The following PLXDC2 variants were observed in gnomAD, a reference collection of about 807,000 sequenced individuals.
PLXDC2 encodes plexin domain containing 2, also known as plexin domain-containing protein 2.
In PLXDC2, 40 loss-of-function variants were observed where a neutral mutation model predicts 68.9. The ratio of observed to expected loss-of-function variants is 0.58; its 90% CI spans 0.45 to 0.76. The LOEUF is 0.76. PLXDC2 is among the 30% of genes least tolerant of loss of function. The probability of loss-of-function intolerance (pLI) is 0.00; values close to 1 mark genes in which losing one functional copy is unlikely to be tolerated. For synonymous variants in PLXDC2, 243 were observed against 234.2 expected (o/e 1.04, Z -0.34); for missense variants, 644 against 661.9 (o/e 0.97, Z 0.30).
intron 2 of PLXDC2, among the ~76,000 whole-genome samples, chr10:20,031,995 A>G (rs1344002125): frequency 1.3e-5 from 2 of 151,706 alleles, no homozygotes; most frequent in Non-Finnish European, 2.9e-5. Context: ...AATTTTTTGT[A>G]TTTTTTGTAG....
At chr10:20,038,229 C>T (rs943248014) in intron 2 of PLXDC2, among the ~76,000 whole-genome samples, 4 of 150,878 alleles carry the variant, frequency 2.7e-5, no homozygotes, top group African/African-American at 9.8e-5. Flanking sequence ...GAGCAAGACT[C>T]TGTCTCAAAA....
chr10:19,862,039 A>G (rs768811748), intron 1 of PLXDC2, among the ~76,000 whole-genome samples: 2 of 152,236 alleles, frequency 1.3e-5, no homozygotes, highest in South Asian at 2.1e-4. Flanking sequence ...AAGATAAACA[A>G]TTCTTCACAT....
At chr10:20,133,538 C>G (rs1833896745) in intron 4 of PLXDC2, among the ~76,000 whole-genome samples, 1 of 152,060 alleles carries the variant, frequency 6.6e-6, no homozygotes, top group South Asian at 2.1e-4. Flanking sequence ...TCTCTTTTGC[C>G]CTATAAGGTT....
At chr10:19,947,155 G>GACA (rs1314924785) in intron 1 of PLXDC2, among the ~76,000 whole-genome samples, 1 of 152,138 alleles carries the variant, frequency 6.6e-6, no homozygotes, top group Non-Finnish European at 1.5e-5. Context: ...AAAAAGCAAA[G>GACA]ACAGCAACAA....
chr10:19,867,901 T>G (rs1443784980), intron 1 of PLXDC2, among the ~76,000 whole-genome samples: 1 of 152,188 alleles, frequency 6.6e-6, no homozygotes, highest in Admixed American at 6.5e-5. Context: ...GGTTATTTGT[T>G]GTCAACATTA....
At chr10:20,258,822 A>G (rs1350965785) in intron 13 of PLXDC2, among the ~76,000 whole-genome samples, 1 of 152,064 alleles carries the variant, frequency 6.6e-6, no homozygotes, top group Admixed American at 6.5e-5. Context: ...CCTGGCTAAC[A>G]CGGTGAAACC....
In PLXDC2 at chr10:20,245,455, G is replaced by A. The variant is rs1564365478; in HGVS notation, c.1423G>A (p.Val475Ile). The change falls in exon 13 of 14, where the codon GTC becomes ATC. Residue 475 changes from valine to isoleucine, a missense_variant. Physicochemically the swap from Val to Ile is conservative, Grantham distance 29. Around this residue, in one of 3 missense-constraint regions of PLXDC2, gnomAD observed 330 missense variants for 327.9 expected, o/e 1.01. Transcript: ENST00000377252. ...TGTAGCCACAGCCATTCTTGTGACA[G>A]TCTATATGTATCACCACCCAACATC... Reference protein sequence around the residue: ...LIVATAILVTVYMYHHPTSAA... With the variant: ...LIVATAILVTIYMYHHPTSAA... 1 of 1,613,394 alleles carries A rather than the reference G, an allele frequency of 6.2e-7. No homozygotes were observed. The highest frequency in any genetic ancestry group is 8.5e-7 in the Non-Finnish European group (1 of 1,179,932).
intron 1 of PLXDC2, among the ~76,000 whole-genome samples, chr10:19,899,589 A>G (rs1838124355): frequency 1.3e-5 from 2 of 152,316 alleles, no homozygotes; most frequent in African/African-American, 2.4e-5. Flanking sequence ...TATAAAAAGG[A>G]TCAATAGTTT....
chr10:19,849,327 TACAC>T (rs3043808), intron 1 of PLXDC2, among the ~76,000 whole-genome samples: 2 of 151,728 alleles, frequency 1.3e-5, no homozygotes, highest in African/African-American at 4.8e-5. Context: ...CTCTCACACA[TACAC>T]ACACAAGTCA....
chr10:19,976,143 T>A (rs957813584), intron 1 of PLXDC2, among the ~76,000 whole-genome samples: 25 of 152,334 alleles, frequency 1.6e-4, no homozygotes, highest in African/African-American at 5.8e-4. Flanking sequence ...AAGGCATTGC[T>A]CTTTTGTCTT....
At chr10:20,141,746 C>T (rs1488478413) in intron 4 of PLXDC2, among the ~76,000 whole-genome samples, 1 of 151,828 alleles carries the variant, frequency 6.6e-6, no homozygotes, top group East Asian at 1.9e-4. Flanking sequence ...CTCTGAAAAT[C>T]TAGAAGGAAA....
chr10:20,212,222 T>C (rs1464085684), intron 10 of PLXDC2, among the ~76,000 whole-genome samples: 2 of 152,020 alleles, frequency 1.3e-5, no homozygotes, highest in African/African-American at 4.8e-5. Flanking sequence ...TACGAAACCA[T>C]TGTTCCTCTT....
Position 20,143,285 on chromosome 10 carries a change from CT to C in PLXDC2, c.542-9del. 1 of 1,596,120 alleles carries C rather than the reference CT, an allele frequency of 6.3e-7. No individual in the cohort carries two copies. The highest frequency in any genetic ancestry group is 8.5e-7 in the Non-Finnish European group (1 of 1,172,064). ...TTTTCTGAATATGTTTCCTATTTTT[CT>C]AATTCTAGGTTTCATATACACTGGA... On this transcript the variant is annotated splice_polypyrimidine_tract_variant and intron_variant, in intron 4 of 13. Coordinates refer to ENST00000377252, the MANE Select transcript of PLXDC2 (RefSeq NM_032812.9).
chr10:19,889,586 G>A (rs1837912974), intron 1 of PLXDC2, among the ~76,000 whole-genome samples: 1 of 152,122 alleles, frequency 6.6e-6, no homozygotes. Context: ...TTTCTTATTT[G>A]CTTTCTTTTC....
chr10:20,121,470 G>C (rs1833696818), intron 4 of PLXDC2, among the ~76,000 whole-genome samples: 1 of 152,204 alleles, frequency 6.6e-6, no homozygotes, highest in East Asian at 1.9e-4. Flanking sequence ...TGCCGAGATA[G>C]GTAACAGATG....
chr10:19,954,030 T>C (rs1344113123), intron 1 of PLXDC2, among the ~76,000 whole-genome samples: 1 of 152,174 alleles, frequency 6.6e-6, no homozygotes, highest in Non-Finnish European at 1.5e-5. Flanking sequence ...CTTAGTAATT[T>C]ACAGCAGTGA....
At chr10:19,953,964 G>A (rs1834029617) in intron 1 of PLXDC2, among the ~76,000 whole-genome samples, 1 of 152,036 alleles carries the variant, frequency 6.6e-6, no homozygotes, top group African/African-American at 2.4e-5. Flanking sequence ...GTGTGGGCGG[G>A]GTGATAAAAT....
chr10:20,215,954 G>A (rs1835130470), intron 10 of PLXDC2, among the ~76,000 whole-genome samples: 1 of 152,056 alleles, frequency 6.6e-6, no homozygotes, highest in Admixed American at 6.6e-5. Context: ...CAGCAATGCT[G>A]CCAAGTGGTA....
intron 1 of PLXDC2, among the ~76,000 whole-genome samples, chr10:19,820,640 C>CAA (rs5783700): frequency 0.047 from 6,032 of 127,010 alleles, 153 homozygotes; most frequent in Non-Finnish European, 0.069. Flanking sequence ...GACTCCGTCT[C>CAA]AAAAAAAAAA....
Sources: allele counts gnomAD v4.1 joint callset (sites outside exome capture counted in the v4.1 genomes callset), GRCh38; gene constraint gnomAD v4.1.1; regional missense constraint gnomAD v4.1.1; transcripts MANE v1.5; gene names NCBI Gene and HGNC (gene_info 2026-07-23, HGNC 2026-07-21).